PSTPIP1: variants seen among roughly 807,000 people sequenced by gnomAD.
PSTPIP1 encodes proline-serine-threonine phosphatase interacting protein 1.
Under a neutral mutation model 69.6 loss-of-function variants are expected in PSTPIP1, and 66 were observed. The observed-to-expected ratio is 0.95, with a 90% CI of 0.78 to 1.16. The LOEUF is 1.16. Among genes scored for constraint, PSTPIP1 ranks in the 50% most tolerant of loss-of-function variants. PSTPIP1 has a pLI of 0.00. For synonymous variants in PSTPIP1, 266 were observed against 222.7 expected (o/e 1.19, Z -1.73); for missense variants, 603 against 557.4 (o/e 1.08, Z -0.82).
intron 2 of PSTPIP1, 26 bp downstream of exon 2, chr15:77,018,274 A>T: frequency 1.9e-6 from 3 of 1,558,740 alleles, no homozygotes; most frequent in Non-Finnish European, 2.6e-6. Flanking sequence ...GGCCATGGGG[A>T]GCGCAGGCAG....
At chr15:77,023,934 A>G (rs947473823) in intron 3 of PSTPIP1, 1 of 152,306 alleles carries the variant, frequency 6.6e-6, no homozygotes. Flanking sequence ...AAGAGTCCTG[A>G]GCCCCACAAG....
chr15:77,030,280 C>T lies in PSTPIP1; in HGVS notation c.563-222C>T, dbSNP rs190854302. Among the ~76,000 whole-genome samples the T allele has an allele frequency of 3.3e-3, 505 of 152,366 alleles. 1 individual carries two copies. The highest frequency in any genetic ancestry group is 6.2e-3 in the Admixed American group (95 of 15,304). On this transcript the variant is annotated intron_variant, in intron 8 of 14. Coordinates refer to ENST00000558012, the MANE Select transcript of PSTPIP1 (RefSeq NM_003978.5). ...CTGGACTTGCATATATGAGGCTCCA[C>T]TCCAGCCCTCAGGCAGCTCAGAGCA...
chr15:76,995,312 G>A lies in PSTPIP1; in HGVS notation c.-262G>A. The A allele has an allele frequency of 2.2e-6, 3 of 1,383,788 alleles. No homozygotes were observed. The highest frequency in any genetic ancestry group is 1.5e-5 in the African/African-American group (1 of 68,554). 85.7% of individuals were successfully genotyped at this position (1,383,788 alleles called of 1,614,324 possible). ...GTGAGGGGCTGGGCTGGACACCAGG[G>A]CCCGCCCTCCCATCACTGAGCTCCA... is the stretch of plus-strand genomic sequence containing the variant. On this transcript the variant is annotated 5_prime_UTR_variant, in exon 1 of 15. Coordinates refer to ENST00000558012, the MANE Select transcript of PSTPIP1 (RefSeq NM_003978.5).
At chr15:77,031,049 C>G (rs1033775643) in intron 9 of PSTPIP1, 131 bp from the exon 10 acceptor site, 22 of 870,708 alleles carry the variant, frequency 2.5e-5, no homozygotes, top group Non-Finnish European at 3.9e-5. Flanking sequence ...CCAGGGCACT[C>G]TCTCCTTTGG....
intron 1 of PSTPIP1, 143 bp downstream of exon 1, chr15:76,995,752 G>T: frequency 6.9e-7 from 1 of 1,458,208 alleles, no homozygotes; most frequent in Non-Finnish European, 9.4e-7. Context: ...TTGTCATGGA[G>T]GTGGCCCAGG....
Position 77,031,245 on chromosome 15 carries a change from C to T in PSTPIP1, c.708C>T (p.Asn236=), listed in dbSNP as rs768887430. The change falls in exon 10 of 15, where the codon AAC becomes AAT. Residue 236 remains asparagine (N), a synonymous_variant. Coordinates refer to ENST00000558012, the MANE Select transcript of PSTPIP1 (RefSeq NM_003978.5). ...ILRNALWVHS[N]QLSMQCVKDD... The stretch of plus-strand genomic sequence containing the variant: ...GCAACGCCCTGTGGGTGCACAGCAA[C>T]CAGCTCTCCATGCAGTGTGTCAAGG... 11 of 1,613,084 alleles carry T rather than the reference C, an allele frequency of 6.8e-6. No homozygotes were observed. The South Asian group carries it at 1.1e-4, about 16-fold the overall frequency.
intron 1 of PSTPIP1, among the ~76,000 whole-genome samples, chr15:77,008,948 C>T (rs2075876279): frequency 6.6e-6 from 1 of 152,206 alleles, no homozygotes; most frequent in Non-Finnish European, 1.5e-5. Context: ...TGGCAGGCGC[C>T]ATCTTTGTCT....
chr15:77,028,266 G>T (rs939231363), intron 6 of PSTPIP1: 4 of 500,398 alleles, frequency 8.0e-6, no homozygotes, highest in Non-Finnish European at 1.4e-5. Flanking sequence ...CGTGGCGAGG[G>T]GCGTGGCGAG....
chr15:77,007,235 T>C (rs534572347), intron 1 of PSTPIP1, among the ~76,000 whole-genome samples: 45 of 152,280 alleles, frequency 3.0e-4, no homozygotes, highest in African/African-American at 1.0e-3. Context: ...GGAGGCTGGG[T>C]CACCAACTTC....
In PSTPIP1 at chr15:77,025,623, G is replaced by A. The variant is rs1437812523; in HGVS notation, c.354+19G>A. ...GAAGAAGGTGAGGCAGGTGCAGGGG[G>A]CGGGGGAGCTGCTCCCCCATTGCCA... On this transcript the variant is annotated intron_variant, in intron 5 of 14. Transcript: ENST00000558012. 5 of 1,530,032 alleles carry A rather than the reference G, an allele frequency of 3.3e-6. No individual in the cohort carries two copies. The highest frequency in any genetic ancestry group is 4.4e-6 in the Non-Finnish European group (5 of 1,130,638). The allele number at this position is 1,530,032 out of a possible 1,614,324, so 94.8% of individuals were successfully genotyped here. A position where few individuals can be genotyped will look rare whatever the true frequency, so the allele number is the denominator to read the frequency against.
At chr15:77,032,773 G>T (rs2076452373) in intron 11 of PSTPIP1, 89 bp from the exon 12 acceptor site, 3 of 1,187,142 alleles carry the variant, frequency 2.5e-6, no homozygotes, top group Non-Finnish European at 3.6e-6. Context: ...GCCAGGGCCA[G>T]ATTGGGAATG....
Position 77,018,481 on chromosome 15 carries a change from GA to G in PSTPIP1, c.164del (p.Lys55ArgfsTer19). ...GGGCCCAGGCGGAGGAGCGGTACGG[GA>G]AGGAGCTGGTGCAGATCGCACGGAA... ...QRAQAEERYG[K>X]ELVQIARKAG... is the part of the protein sequence containing the mutation. On this transcript the variant is annotated frameshift_variant, in exon 3 of 15. Transcript: ENST00000558012. LOFTEE classifies it high-confidence loss of function. The G allele has an allele frequency of 6.3e-7, 1 of 1,584,768 alleles. No homozygotes were observed. The highest frequency in any genetic ancestry group is 8.6e-7 in the Non-Finnish European group (1 of 1,165,600).
intron 1 of PSTPIP1, chr15:77,007,915 C>A (rs2075849814): frequency 2.2e-6 from 1 of 456,018 alleles, no homozygotes; most frequent in Admixed American, 2.4e-5. Context: ...ACTTTGAGGA[C>A]TGCAGTCACT....
rs1177446255 is a variant in PSTPIP1 at position 77,037,033 on chromosome 15, T to C, written c.1120-12T>C. On this transcript the variant is annotated splice_polypyrimidine_tract_variant and intron_variant, in intron 14 of 14. Coordinates refer to ENST00000558012, the MANE Select transcript of PSTPIP1 (RefSeq NM_003978.5). ...CCCTTCCAACGTCATGCGCTTTCAA[T>C]CTCTTGGCCAGAACCCAGATGAGCT... 3.4e-5 allele frequency: 54 copies of C among 1,611,020 alleles called. No homozygotes were observed. The highest frequency in any genetic ancestry group is 4.1e-5 in the Non-Finnish European group (48 of 1,179,002).
chr15:77,033,794 C>G (rs968652098), intron 12 of PSTPIP1, among the ~76,000 whole-genome samples: 3 of 140,850 alleles, frequency 2.1e-5, no homozygotes, highest in Non-Finnish European at 4.7e-5. Context: ...GGCAGAGGCT[C>G]GTGGGAACCA....
At chr15:77,015,765 G>T (rs1361463019) in intron 1 of PSTPIP1, 5 of 364,062 alleles carry the variant, frequency 1.4e-5, no homozygotes, top group Non-Finnish European at 2.8e-5. Flanking sequence ...TGGGGGAAGG[G>T]GTGCAGGGCT....
In PSTPIP1 at chr15:77,030,343, C is replaced by G. The variant is rs565188429; in HGVS notation, c.563-159C>G. 3.2e-4 allele frequency among the ~76,000 whole-genome samples: 49 copies of G among 152,358 alleles called. 1 individual carries two copies. Among genetic ancestry groups the G allele is most frequent in the African/African-American group, 1.2e-3 (49 of 41,584 alleles). On this transcript the variant is annotated intron_variant, in intron 8 of 14. Coordinates refer to ENST00000558012, the MANE Select transcript of PSTPIP1 (RefSeq NM_003978.5). The stretch of plus-strand genomic sequence containing the variant: ...AGCAGCAGCACCAGCGTGGGTGGCC[C>G]TGACGGGCATTCAGATGAGGCCCCG...
upstream of PSTPIP1, chr15:76,995,081 T>A: frequency 1.7e-6 from 2 of 1,177,716 alleles, no homozygotes; most frequent in Non-Finnish European, 2.1e-6. Context: ...GCAACTCCAC[T>A]TCCTGTGGGC....
chr15:77,023,996 T>C (rs935207961), intron 3 of PSTPIP1: 2 of 152,398 alleles, frequency 1.3e-5, no homozygotes, highest in African/African-American at 4.8e-5. Context: ...TCTCCCTGGT[T>C]CCGCCTCTTA....
Sources: gnomAD v4.1 joint callset for allele counts (sites outside exome capture counted in the v4.1 genomes callset) on GRCh38, gnomAD v4.1.1 for gene constraint, MANE v1.5 for transcripts, NCBI Gene and HGNC (gene_info 2026-07-23, HGNC 2026-07-21) for gene names.